CDK11B: variants seen among roughly 807,000 people sequenced by gnomAD.
The protein encoded by CDK11B is cyclin-dependent kinase 11B.
In CDK11B, 37 loss-of-function variants were observed where a neutral mutation model predicts 84.0. That is an observed-to-expected ratio of 0.44 (90% CI 0.34 to 0.58). The LOEUF is 0.58. CDK11B is among the 20% of genes least tolerant of loss of function. The pLI is 0.02. For synonymous variants in CDK11B, 269 were observed against 309.8 expected, an observed-to-expected ratio of 0.87 and a Z score of 1.38; for missense variants, 427 against 834.0, an observed-to-expected ratio of 0.51 and a Z score of 6.01.
Position 1,636,542 on chromosome 1 carries a change from C to G in CDK11B, c.1918-61G>C, listed in dbSNP as rs577320561. ...TGGCCCACAGTGTTGGCACCTGTGT[C>G]CCGTCAGAGAAGACAAGCCACCAGG... On this transcript the variant is annotated intron_variant, in intron 17 of 19. Transcript: ENST00000341832. 371 of 1,579,808 alleles carry G rather than the reference C, an allele frequency of 2.3e-4. 1 individual carries two copies. In the East Asian group the frequency reaches 6.2e-3, roughly 27 times the overall value.
chr1:1,654,869 A>G (rs551234659), intron 3 of CDK11B, among the ~76,000 whole-genome samples: 2 of 149,676 alleles, frequency 1.3e-5, no homozygotes, highest in Admixed American at 6.7e-5. Flanking sequence ...TGTGTTAGCC[A>G]GGATGGTCTT....
intron 11 of CDK11B, 117 bp from the exon 12 acceptor site, chr1:1,638,707 CTG>C (rs1639773409): frequency 9.0e-7 from 1 of 1,108,026 alleles, no homozygotes; most frequent in African/African-American, 1.5e-5. Flanking sequence ...AGCCTTGGGA[CTG>C]GGCCGGGGGT....
chr1:1,636,471 G>T lies in CDK11B; in HGVS notation c.1928C>A (p.Thr643Asn). The change falls in exon 18 of 20, where the codon ACC (threonine) becomes AAC (asparagine). Residue 643 changes from threonine (T) to asparagine (N), a missense_variant. Around this residue, in one of 12 missense-constraint regions of CDK11B, gnomAD observed 170 missense variants for 196.0 expected, o/e 0.87. Transcript: ENST00000341832. ...GCCGGGCCAGATTTTCTCACTAGGG[G>T]TCCCCAGATCCTGAAAGACAGAGGT... ...QINKVFKDLG[T>N]PSEKIWPGYS... 6.2e-7 allele frequency: 1 copy of T among 1,612,228 alleles called. No homozygotes were observed. Among genetic ancestry groups the T allele is most frequent in the Non-Finnish European group, 8.5e-7 (1 of 1,179,122 alleles).
chr1:1,653,775 G>A (rs1049667968), intron 3 of CDK11B, among the ~76,000 whole-genome samples: 3 of 151,180 alleles, frequency 2.0e-5, no homozygotes, highest in Admixed American at 2.0e-4. Flanking sequence ...CCTGAGGTTA[G>A]GAGTTCAAGA....
At chr1:1,648,499 G>C (rs1399603750) in intron 5 of CDK11B, among the ~76,000 whole-genome samples, 1 of 148,698 alleles carries the variant, frequency 6.7e-6, no homozygotes, top group Non-Finnish European at 1.5e-5. Context: ...ACCCAGCCCT[G>C]GCTGCTGGCA....
In CDK11B at chr1:1,636,800, T is replaced by C; in HGVS notation, c.1801-2A>G. 1 of 1,613,788 alleles carries C rather than the reference T, an allele frequency of 6.2e-7. No individual in the cohort carries two copies. Among genetic ancestry groups the C allele is most frequent in the East Asian group, 2.2e-5 (1 of 44,882 alleles). On this transcript the variant is annotated splice_acceptor_variant, in intron 16 of 19. Coordinates refer to ENST00000341832, the MANE Select transcript of CDK11B (RefSeq NM_033486.3). LOFTEE classifies it high-confidence loss of function. ...CATGTCCACGGCCGTGGAGTATTCC[T>C]AAGAGGTCAGGAGAGGTGTTCAGGA...
chr1:1,651,469 A>ATCCT (rs1286714952), intron 4 of CDK11B, among the ~76,000 whole-genome samples: 30 of 65,042 alleles, frequency 4.6e-4, no homozygotes, highest in Non-Finnish European at 5.8e-5. Context: ...CAGCTAGAGT[A>ATCCT]CTCTATAGCC....
intron 4 of CDK11B, among the ~76,000 whole-genome samples, chr1:1,651,268 C>T (rs1401346396): frequency 6.6e-6 from 1 of 152,168 alleles, no homozygotes; most frequent in Non-Finnish European, 1.5e-5. Context: ...CAAACTGCTT[C>T]CAAACAATAT....
At chr1:1,656,729 G>C (rs748876267) in intron 2 of CDK11B, among the ~76,000 whole-genome samples, 11 of 152,200 alleles carry the variant, frequency 7.2e-5, no homozygotes, top group Non-Finnish European at 1.6e-4. Context: ...CTGGGCGACA[G>C]TGCGAGACTC....
intron 4 of CDK11B, among the ~76,000 whole-genome samples, chr1:1,650,924 T>C (rs1478323547): frequency 6.6e-6 from 1 of 152,158 alleles, no homozygotes; most frequent in Non-Finnish European, 1.5e-5. Flanking sequence ...AATTGTAATA[T>C]TCGTCTTTTA....
intron 5 of CDK11B, chr1:1,646,423 T>C (rs758222598): frequency 1.9e-6 from 1 of 519,982 alleles, no homozygotes; most frequent in South Asian, 1.4e-5. Flanking sequence ...CTAGCTCAAG[T>C]CCAGTACAAT....
chr1:1,651,688 T>C (rs1642029390), intron 4 of CDK11B, among the ~76,000 whole-genome samples: 1 of 150,378 alleles, frequency 6.6e-6, no homozygotes, highest in East Asian at 2.0e-4. Context: ...AGCTGGAGTT[T>C]GCTCTCTATA....
At chr1:1,646,880 A>G (rs778193814) in intron 5 of CDK11B, 2 of 519,872 alleles carry the variant, frequency 3.8e-6, no homozygotes, top group African/African-American at 3.8e-5. Context: ...GGCGGTATTG[A>G]AGCTCCCCTT....
In CDK11B at chr1:1,657,309, G is replaced by T. The variant is rs753767110; in HGVS notation, c.111+66C>A. On this transcript the variant is annotated intron_variant, in intron 2 of 19. Transcript: ENST00000341832. Reference sequence around the variant, plus strand: ...TCACCGAAGAAGCGTTGTTCTAATGGAAAAATGAGGGCAAAGAAATTAAAT... The same window carrying T: ...TCACCGAAGAAGCGTTGTTCTAATGTAAAAATGAGGGCAAAGAAATTAAAT... 25 of 1,612,694 alleles carry T rather than the reference G, an allele frequency of 1.6e-5. No individual in the cohort carries two copies. In the Admixed American group the frequency reaches 4.2e-4, roughly 27 times the overall value.
intron 3 of CDK11B, 44 bp from the exon 4 acceptor site, chr1:1,652,610 C>A: frequency 1.5e-6 from 2 of 1,333,900 alleles, no homozygotes; most frequent in Middle Eastern, 2.0e-4. Context: ...TGAGAAAGTG[C>A]AAAGAAGCAT....
intron 3 of CDK11B, chr1:1,654,053 C>A: frequency 4.6e-6 from 2 of 430,500 alleles, no homozygotes; most frequent in South Asian, 1.7e-5. Flanking sequence ...AATCTCAAAG[C>A]GTCATTTAAC....
chr1:1,649,722 C>T (rs1641639078), intron 4 of CDK11B, 85 bp from the exon 5 acceptor site: 2 of 1,393,122 alleles, frequency 1.4e-6, no homozygotes, highest in Admixed American at 3.9e-5. Context: ...TGCCTGTAAT[C>T]CTAGCACTTT....
chr1:1,650,528 G>A lies in CDK11B; in HGVS notation c.356-891C>T, dbSNP rs1159963595. 7.9e-5 allele frequency among the ~76,000 whole-genome samples: 12 copies of A among 151,108 alleles called. No individual in the cohort carries two copies. The South Asian group carries it at 2.5e-3, about 32-fold the overall frequency. On this transcript the variant is annotated intron_variant, in intron 4 of 19. Transcript: ENST00000341832. The stretch of plus-strand genomic sequence containing the variant: ...CTACAGGCGCCTGCCACCACGCCCG[G>A]CTAATTTTTTGTCTTTTTAGTAGAG...
chr1:1,636,922 G>T lies in CDK11B; in HGVS notation c.1775C>A (p.Ala592Asp). Residue 592 changes from alanine to aspartate, a missense_variant, in exon 16 of 20, where the codon GCC becomes GAC. Physicochemically the swap from Ala to Asp is moderately radical, Grantham distance 126 (BLOSUM62 -2). Transcript: ENST00000341832. ...CTTGGCACCAAGCAGCAGCTCTGGG[G>T]CGCGGTACCACAGGGTCACCACGAC... Reference protein sequence around the residue: ...TPVVVTLWYRAPELLLGAKEY... With the variant: ...TPVVVTLWYRDPELLLGAKEY... 4 of 1,606,486 alleles carry T rather than the reference G, an allele frequency of 2.5e-6. No homozygotes were observed. The highest frequency in any genetic ancestry group is 3.4e-6 in the Non-Finnish European group (4 of 1,175,148).
Sources: gnomAD v4.1 joint callset for allele counts (sites outside exome capture counted in the v4.1 genomes callset) on GRCh38, gnomAD v4.1.1 for gene constraint, gnomAD v4.1.1 regional missense constraint, MANE v1.5 for transcripts, NCBI Gene and HGNC (gene_info 2026-07-23, HGNC 2026-07-21) for gene names.